The following BUD31 variants were observed in gnomAD, a reference collection of about 807,000 sequenced individuals.
The protein encoded by BUD31 is protein BUD31 homolog.
In BUD31, 9 loss-of-function variants were observed where a neutral mutation model predicts 17.9. The observed-to-expected ratio is 0.50, with a 90% CI of 0.30 to 0.88. The LOEUF is 0.88. Ranked by LOEUF, BUD31 falls within the 40% of genes least tolerant of loss-of-function variation. The pLI is 0.06. For synonymous variants in BUD31, 70 were observed against 64.7 expected (o/e 1.08, Z -0.39); for missense variants, 148 against 184.5 (o/e 0.80, Z 1.15).
At chr7:99,417,897 A>T in intron 5 of BUD31, 1 of 1,332,230 alleles carries the variant, frequency 7.5e-7, no homozygotes, top group Non-Finnish European at 9.7e-7. Context: ...GCAGGGTGAC[A>T]TCAGGGAAGG....
At chr7:99,414,563 G>T (rs1226455732) in intron 3 of BUD31, among the ~76,000 whole-genome samples, 1 of 152,118 alleles carries the variant, frequency 6.6e-6, no homozygotes, top group Non-Finnish European at 1.5e-5. Flanking sequence ...AGGTTCATCT[G>T]TGTTGTAGAA....
intron 4 of BUD31, chr7:99,417,016 T>G (rs1040473096): frequency 1.2e-5 from 2 of 167,184 alleles, no homozygotes; most frequent in Admixed American, 5.7e-5. Context: ...CTAAGTACTT[T>G]TTTTTTTTGT....
rs142967587 is a variant in BUD31, at chr7:99,415,166, C to T, written c.95-972C>T. ...GCTGAGCCTGGGAATCCCACCAAGA[C>T]GCGGAGACCGGTAGTGGCCCCAAAT... On this transcript the variant is annotated intron_variant, in intron 3 of 5. Coordinates refer to ENST00000222969, the MANE Select transcript of BUD31 (RefSeq NM_003910.4). The T allele has an allele frequency of 2.1e-4, 94 of 450,546 alleles. No individual in the cohort carries two copies. The East Asian group carries it at 5.0e-3, about 24-fold the overall frequency. 27.9% of individuals were successfully genotyped at this position (450,546 alleles called of 1,614,324 possible).
In BUD31 at chr7:99,411,056, T is replaced by C. The variant is rs749227402; in HGVS notation, c.-29-8T>C. The C allele has an allele frequency of 3.8e-5, 60 of 1,568,906 alleles. No individual in the cohort carries two copies. Among genetic ancestry groups the C allele is most frequent in the African/African-American group, 2.7e-5 (2 of 73,908 alleles). Reference sequence around the variant, plus strand: ...AGACTCAGAAACCAATTCATTTTTTTCCCCCAGATCTTTGCAGATTATCCT... The same window carrying C: ...AGACTCAGAAACCAATTCATTTTTTCCCCCCAGATCTTTGCAGATTATCCT... On this transcript the variant is annotated splice_region_variant and splice_polypyrimidine_tract_variant and intron_variant, in intron 2 of 5. Transcript: ENST00000222969.
intron 3 of BUD31, among the ~76,000 whole-genome samples, chr7:99,412,642 C>T (rs1474484226): frequency 2.0e-5 from 3 of 149,566 alleles, no homozygotes; most frequent in African/African-American, 7.4e-5. Context: ...GACGGAGTCT[C>T]GCTCTGTCAC....
intron 3 of BUD31, 76 bp from the exon 4 acceptor site, chr7:99,416,062 C>G (rs1584438544): frequency 1.3e-6 from 2 of 1,576,808 alleles, no homozygotes; most frequent in Non-Finnish European, 8.7e-7. Context: ...TATTCATTAT[C>G]AGTAGTTACT....
At chr7:99,412,774 G>A (rs940706319) in intron 3 of BUD31, among the ~76,000 whole-genome samples, 1 of 142,898 alleles carries the variant, frequency 7.0e-6, no homozygotes, top group Non-Finnish European at 1.5e-5. Flanking sequence ...ACCATGCCCA[G>A]CTAATTTTTT....
In BUD31 at chr7:99,413,891, C is replaced by T. The variant is rs1489204691; in HGVS notation, c.95-2247C>T. On this transcript the variant is annotated intron_variant, in intron 3 of 5. Transcript: ENST00000222969. ...ACAGGCGTGAGCCACTGTGCCCAGCCGGGACCAACCTTTTAACAGAAGTTA... is the reference window on the plus strand; with the variant it reads ...ACAGGCGTGAGCCACTGTGCCCAGCTGGGACCAACCTTTTAACAGAAGTTA... Among the ~76,000 whole-genome samples, 10 of 152,220 alleles carry T rather than the reference C, an allele frequency of 6.6e-5. No homozygotes were observed. The South Asian group carries it at 8.3e-4, about 13-fold the overall frequency.
chr7:99,418,242 C>G (rs544345497), intron 5 of BUD31: 1 of 169,604 alleles, frequency 5.9e-6, no homozygotes, highest in African/African-American at 2.4e-5. Flanking sequence ...GCCGGGATTA[C>G]AGGCATGAGC....
In BUD31 at chr7:99,417,523, G is replaced by C. The variant is rs1795568706; in HGVS notation, c.312G>C (p.Arg104=). The change falls in exon 5 of 6, where the codon CGG becomes CGC. Residue 104 remains arginine (R), a synonymous_variant. Transcript: ENST00000222969. ...KQGYENLCCL[R]CIQTRDTNFG... is the part of the protein sequence containing the mutation. ...GATATGAGAACTTGTGCTGCCTGCGGTGCATTCAGACACGGGACACCAACT... is the reference window on the plus strand; with the variant it reads ...GATATGAGAACTTGTGCTGCCTGCGCTGCATTCAGACACGGGACACCAACT... The C allele has an allele frequency of 6.2e-7, 1 of 1,611,972 alleles. No individual in the cohort carries two copies. The highest frequency in any genetic ancestry group is 8.5e-7 in the Non-Finnish European group (1 of 1,178,440).
At position 99,417,581 on chromosome 7, in the gene BUD31, A is replaced by G; in HGVS notation, c.370A>G (p.Ser124Gly). 3 of 1,612,422 alleles carry G rather than the reference A, an allele frequency of 1.9e-6. No homozygotes were observed. The highest frequency in any genetic ancestry group is 2.5e-6 in the Non-Finnish European group (3 of 1,179,938). The change falls in exon 5 of 6, where the codon AGC becomes GGC. Residue 124 changes from serine (S) to glycine (G), a missense_variant. Transcript: ENST00000222969. ...GAACTGCATCTGCCGCGTGCCCAAA[A>G]GCAAGCTGGAAGTGGTAATGTCTGA... The part of the protein sequence containing the change: ...GTNCICRVPK[S>G]KLEVGRIIEC...
rs866315347 is a variant in BUD31, at chr7:99,419,258, C to G, written c.385-133C>G. On this transcript the variant is annotated intron_variant, in intron 5 of 5. Coordinates refer to ENST00000222969, the MANE Select transcript of BUD31 (RefSeq NM_003910.4). ...CCAAATTTTCCCTGTCCAGAGCTGT[C>G]AAGGAAGGGTTTCTGAGGTGTGTCC... 10 of 1,126,450 alleles carry G rather than the reference C, an allele frequency of 8.9e-6. No homozygotes were observed. The Middle Eastern group carries it at 2.2e-3, about 242-fold the overall frequency. 69.8% of individuals were successfully genotyped at this position (1,126,450 alleles called of 1,614,324 possible). A position where few individuals can be genotyped will look rare whatever the true frequency, so the allele number is the denominator to read the frequency against.
chr7:99,418,360 A>G (rs1795625030), intron 5 of BUD31: 1 of 155,046 alleles, frequency 6.4e-6, no homozygotes, highest in Non-Finnish European at 1.4e-5. Context: ...GCTGAGCTCC[A>G]TCCGGTTCCA....
rs368536260 is a variant in BUD31 at position 99,410,965 on chromosome 7, C to T, written c.-29-99C>T. 293 of 727,728 alleles carry T rather than the reference C, an allele frequency of 4.0e-4. 4 individuals carry two copies. The highest frequency in any genetic ancestry group is 4.0e-3 in the South Asian group (235 of 59,232). 45.1% of individuals were successfully genotyped at this position (727,728 alleles called of 1,614,324 possible). A position where few individuals can be genotyped will look rare whatever the true frequency, so the allele number is the denominator to read the frequency against. ...CTGAGCCCTGTCCCATAGCTGTGAC[C>T]CTATGCTGACTCAAGGAAGTCAGCC... On this transcript the variant is annotated intron_variant, in intron 2 of 5. Coordinates refer to ENST00000222969, the MANE Select transcript of BUD31 (RefSeq NM_003910.4).
chr7:99,418,069 G>A (rs1795606811), intron 5 of BUD31: 5 of 918,980 alleles, frequency 5.4e-6, no homozygotes, highest in Non-Finnish European at 6.8e-6. Context: ...CCGGGTTCAA[G>A]CGGTTCTCCT....
At chr7:99,415,434 T>C (rs929996436) in intron 3 of BUD31, among the ~76,000 whole-genome samples, 1 of 152,074 alleles carries the variant, frequency 6.6e-6, no homozygotes. Context: ...GTGTACAGGA[T>C]GGAACATGAA....
At chr7:99,416,416 T>G (rs904383791) in intron 4 of BUD31, 156 bp downstream of exon 4, 7 of 920,924 alleles carry the variant, frequency 7.6e-6, no homozygotes, top group South Asian at 3.6e-5. Context: ...GTGTGTGTGT[T>G]TGTTTTTTGT....
At chr7:99,417,643 G>T in intron 5 of BUD31, 48 bp downstream of exon 5, 1 of 1,602,250 alleles carries the variant, frequency 6.2e-7, no homozygotes. Context: ...TCAAAATTCT[G>T]CCTTAGTCGA....
At chr7:99,411,676 A>T (rs1795190631) in intron 3 of BUD31, 1 of 455,868 alleles carries the variant, frequency 2.2e-6, no homozygotes, top group Non-Finnish European at 4.4e-6. Context: ...GCCTTATATG[A>T]TCACAGTGTG....
Sources: gnomAD v4.1 joint callset for allele counts (sites outside exome capture counted in the v4.1 genomes callset) on GRCh38, gnomAD v4.1.1 for gene constraint, MANE v1.5 for transcripts, NCBI Gene and HGNC (gene_info 2026-07-23, HGNC 2026-07-21) for gene names.